The following NYAP2 variants were observed in gnomAD, a reference collection of about 807,000 sequenced individuals.
The protein encoded by NYAP2 is neuronal tyrosine-phosphorylated phosphoinositide-3-kinase adapter 2.
A neutral mutation model predicts 50.4 loss-of-function variants in NYAP2; 23 were observed. That is an observed-to-expected ratio of 0.46 (90% CI 0.33 to 0.65). NYAP2 has a LOEUF of 0.65. Among genes scored for constraint, NYAP2 ranks in the 30% least tolerant of loss-of-function variants. NYAP2 has a pLI of 0.02. For synonymous variants in NYAP2, 394 were observed against 365.2 expected (o/e 1.08, Z -0.90); for missense variants, 885 against 861.0 (o/e 1.03, Z -0.35).
At chr2:225,628,725 T>G (rs1490440792) in intron 6 of NYAP2, among the ~76,000 whole-genome samples, 3 of 152,210 alleles carry the variant, frequency 2.0e-5, no homozygotes, top group Non-Finnish European at 4.4e-5. Context: ...TCAGTAGTTT[T>G]AAAGAATTAT....
intron 5 of NYAP2, among the ~76,000 whole-genome samples, chr2:225,583,797 T>C (rs1361768664): frequency 2.0e-5 from 3 of 152,274 alleles, no homozygotes; most frequent in African/African-American, 7.2e-5. Flanking sequence ...TCCCAGCACT[T>C]TGGGAGGCCG....
At chr2:225,647,672 AG>A (rs1255190112) in intron 6 of NYAP2, among the ~76,000 whole-genome samples, 1 of 152,170 alleles carries the variant, frequency 6.6e-6, no homozygotes, top group Non-Finnish European at 1.5e-5. Context: ...CTTCAGTGAA[AG>A]AAAAATACAT....
intron 5 of NYAP2, among the ~76,000 whole-genome samples, chr2:225,604,562 A>T (rs1692751857): frequency 6.6e-6 from 1 of 152,114 alleles, no homozygotes. Context: ...TTGCTAAGAG[A>T]TCAATATTTA....
At chr2:225,495,563 GT>G (rs563533290) in intron 3 of NYAP2, among the ~76,000 whole-genome samples, 1 of 151,940 alleles carries the variant, frequency 6.6e-6, no homozygotes, top group Non-Finnish European at 1.5e-5. Flanking sequence ...GAGATAATTT[GT>G]TTTTTTGTTG....
intron 3 of NYAP2, among the ~76,000 whole-genome samples, chr2:225,416,906 A>G (rs1396117659): frequency 6.6e-6 from 1 of 152,190 alleles, no homozygotes; most frequent in Non-Finnish European, 1.5e-5. Context: ...TGAAGAGTGG[A>G]CCTTCCAAAC....
At chr2:225,676,579 G>A in the NYAP2 span, among the ~76,000 whole-genome samples, 1 of 152,108 alleles carries the variant, frequency 6.6e-6, no homozygotes, top group Non-Finnish European at 1.5e-5. Context: ...ATGGATGGCA[G>A]CAAGCAAAGA....
At chr2:225,671,927 T>A in the NYAP2 span, among the ~76,000 whole-genome samples, 32 of 152,056 alleles carry the variant, frequency 2.1e-4, no homozygotes, top group African/African-American at 7.5e-4. Context: ...GTGCAGTAGG[T>A]CTCAACATGG....
intron 3 of NYAP2, among the ~76,000 whole-genome samples, chr2:225,490,556 T>C (rs75007636): frequency 2.5e-3 from 375 of 152,274 alleles, no homozygotes; most frequent in Non-Finnish European, 4.3e-3. Flanking sequence ...GCAGCTACTG[T>C]TCTACAGCAA....
At chr2:225,645,238 GAA>G (rs36010669) in intron 6 of NYAP2, among the ~76,000 whole-genome samples, 132 of 101,528 alleles carry the variant, frequency 1.3e-3, no homozygotes, top group East Asian at 2.9e-3. Flanking sequence ...AGCCTGGGCA[GAA>G]AAAAAAAAAA....
intron 3 of NYAP2, among the ~76,000 whole-genome samples, chr2:225,436,828 T>C (rs1689387376): frequency 6.6e-6 from 1 of 151,158 alleles, no homozygotes; most frequent in Non-Finnish European, 1.5e-5. Context: ...TTTGTCCCCA[T>C]CTTCACTCCC....
intron 5 of NYAP2, among the ~76,000 whole-genome samples, chr2:225,619,655 A>G (rs1693055005): frequency 1.3e-5 from 2 of 152,150 alleles, no homozygotes; most frequent in African/African-American, 4.8e-5. Context: ...GAAGCCAGAG[A>G]GACAGAAGTA....
chr2:225,451,688 A>G (rs2106147968), intron 3 of NYAP2, among the ~76,000 whole-genome samples: 1 of 152,330 alleles, frequency 6.6e-6, no homozygotes, highest in Middle Eastern at 3.4e-3. Flanking sequence ...ACGCAGGTAC[A>G]AGTTTCTGTG....
chr2:225,581,839 C>A, intron 4 of NYAP2, 102 bp from the exon 5 acceptor site: 1 of 1,100,000 alleles, frequency 9.1e-7, no homozygotes, highest in Non-Finnish European at 1.3e-6. Flanking sequence ...AAGCTGTCTA[C>A]CCCTCTGGCC....
intron 2 of NYAP2, among the ~76,000 whole-genome samples, chr2:225,403,991 C>T (rs996198148): frequency 6.6e-6 from 1 of 151,850 alleles, no homozygotes; most frequent in Non-Finnish European, 1.5e-5. Context: ...AGATGGCATG[C>T]CTAATATTTA....
At chr2:225,613,826 G>A (rs1692940389) in intron 5 of NYAP2, among the ~76,000 whole-genome samples, 1 of 152,056 alleles carries the variant, frequency 6.6e-6, no homozygotes, top group African/African-American at 2.4e-5. Flanking sequence ...TGATTTGATT[G>A]GGGGAAGGTA....
At chr2:225,692,577 A>AT in the NYAP2 span, among the ~76,000 whole-genome samples, 1 of 151,988 alleles carries the variant, frequency 6.6e-6, no homozygotes, top group Non-Finnish European at 1.5e-5. Context: ...AGCAACATGT[A>AT]TTTTTTATAT....
At chr2:225,489,200 A>AT (rs1206160119) in intron 3 of NYAP2, among the ~76,000 whole-genome samples, 4 of 150,504 alleles carry the variant, frequency 2.7e-5, no homozygotes, top group African/African-American at 9.8e-5. Context: ...TCTTTTATTT[A>AT]TTTATTTTTT....
chr2:225,446,234 CTCTCTCTCTCTCTATATA>C (rs1689555176), intron 3 of NYAP2, among the ~76,000 whole-genome samples: 1 of 100,868 alleles, frequency 9.9e-6, no homozygotes, highest in South Asian at 4.0e-4. Context: ...CTCTCTCTCT[CTCTCTCTCTCTCTATATA>C]TATATATATA....
At chr2:225,482,985 A>C (rs1690231338) in intron 3 of NYAP2, among the ~76,000 whole-genome samples, 1 of 152,202 alleles carries the variant, frequency 6.6e-6, no homozygotes, top group African/African-American at 2.4e-5. Flanking sequence ...TTTACCAAGA[A>C]GAGACTGGTT....
Sources: gnomAD v4.1 joint callset for allele counts (sites outside exome capture counted in the v4.1 genomes callset) on GRCh38, gnomAD v4.1.1 for gene constraint, MANE v1.5 for transcripts, NCBI Gene and HGNC (gene_info 2026-07-23, HGNC 2026-07-21) for gene names.